The following ZNF385C variants were observed in gnomAD, a reference collection of about 807,000 sequenced individuals.
ZNF385C encodes CTD-2132N18.2.
Under a neutral mutation model 35.4 loss-of-function variants are expected in ZNF385C, and 28 were observed. The observed-to-expected ratio is 0.79, with a 90% CI of 0.59 to 1.08. The LOEUF is 1.08. Ranked by LOEUF, ZNF385C falls within the 50% of genes least tolerant of loss-of-function variation. ZNF385C has a pLI of 0.00. For missense variants in ZNF385C, 605 were observed against 595.6 expected, an observed-to-expected ratio of 1.02 and a Z score of -0.16; for synonymous variants, 248 against 248.2, an observed-to-expected ratio of 1.00 and a Z score of 0.01.
At chr17:42,028,700 AG>A (rs1397737122) in intron 6 of ZNF385C, 82 bp downstream of exon 6, 2 of 1,466,620 alleles carry the variant, frequency 1.4e-6, no homozygotes, top group East Asian at 5.0e-5. Context: ...CGAAGCACCC[AG>A]GAACTCAAGC....
intron 2 of ZNF385C, among the ~76,000 whole-genome samples, chr17:42,057,883 C>T (rs112866913): frequency 0.012 from 1,896 of 151,792 alleles, 39 homozygotes; most frequent in African/African-American, 0.043. Flanking sequence ...GTGGAGGTTG[C>T]AATGAGTTGG....
chr17:42,088,519 A>G (rs1793511433), intron 1 of ZNF385C, among the ~76,000 whole-genome samples: 1 of 152,270 alleles, frequency 6.6e-6, no homozygotes, highest in Admixed American at 6.5e-5. Context: ...GGCTCCAGCC[A>G]CGGGACTCGA....
At chr17:42,084,739 T>A (rs1330497172) in intron 1 of ZNF385C, among the ~76,000 whole-genome samples, 1 of 152,038 alleles carries the variant, frequency 6.6e-6, no homozygotes, top group East Asian at 1.9e-4. Flanking sequence ...ACCTCCCAAG[T>A]AGCTTTGACT....
chr17:42,027,606 G>A lies in ZNF385C; in HGVS notation c.1275+12C>T, dbSNP rs2052619496. 2 of 1,532,364 alleles carry A rather than the reference G, an allele frequency of 1.3e-6. No individual in the cohort carries two copies. Among genetic ancestry groups the A allele is most frequent in the Non-Finnish European group, 1.8e-6 (2 of 1,141,108 alleles). The allele number at this position is 1,532,364 out of a possible 1,614,324, so 94.9% of individuals were successfully genotyped here. Reference sequence around the variant, plus strand: ...TGACCCAGTCCCAGCTCTGTTGCCTGGAGACAGATACCTTGAGGATACTCA... The same window carrying A: ...TGACCCAGTCCCAGCTCTGTTGCCTAGAGACAGATACCTTGAGGATACTCA... On this transcript the variant is annotated intron_variant, in intron 8 of 8. Coordinates refer to ENST00000692273, the MANE Select transcript of ZNF385C (RefSeq NM_001392013.1).
chr17:42,038,182 A>T, intron 2 of ZNF385C: 1 of 975,816 alleles, frequency 1.0e-6, no homozygotes, highest in Admixed American at 2.5e-5. Flanking sequence ...CAAGAGAGGG[A>T]CAGAGGGGTC....
At chr17:42,096,253 T>C (rs1171040223) in intron 1 of ZNF385C, among the ~76,000 whole-genome samples, 1 of 152,206 alleles carries the variant, frequency 6.6e-6, no homozygotes, top group Non-Finnish European at 1.5e-5. Context: ...TAACCTGTCC[T>C]GAGGCAGACA....
chr17:42,027,388 A>G (rs1161539815), intron 8 of ZNF385C, among the ~76,000 whole-genome samples: 3 of 152,002 alleles, frequency 2.0e-5, no homozygotes, highest in Non-Finnish European at 4.4e-5. Flanking sequence ...GGTCTCTAGG[A>G]GATGCACGCC....
chr17:42,042,348 C>T (rs1003428814), intron 2 of ZNF385C, among the ~76,000 whole-genome samples: 1 of 152,066 alleles, frequency 6.6e-6, no homozygotes, highest in African/African-American at 2.4e-5. Context: ...ATGGTGATAC[C>T]CCGTCTCTAC....
chr17:42,037,920 C>T (rs1245719948), intron 2 of ZNF385C, 35 bp from the exon 3 acceptor site: 2 of 1,544,732 alleles, frequency 1.3e-6, no homozygotes, highest in Non-Finnish European at 1.7e-6. Context: ...CTGAAATGGG[C>T]TCTGTCCTAC....
At chr17:42,097,843 T>C (rs56156186) in intron 1 of ZNF385C, among the ~76,000 whole-genome samples, 7,879 of 152,258 alleles carry the variant, frequency 0.052, 206 homozygotes, top group Non-Finnish European at 0.062. Context: ...TCCCAGACTT[T>C]CCGGGTTCCC....
intron 5 of ZNF385C, among the ~76,000 whole-genome samples, chr17:42,030,115 C>A (rs907686416): frequency 6.6e-6 from 1 of 151,858 alleles, no homozygotes; most frequent in Non-Finnish European, 1.5e-5. Flanking sequence ...TGAAAGAGAA[C>A]AAACTACAGC....
chr17:42,071,439 G>A (rs1555658807), intron 1 of ZNF385C, among the ~76,000 whole-genome samples: 1 of 152,016 alleles, frequency 6.6e-6, no homozygotes, highest in East Asian at 1.9e-4. Context: ...ATCCTCCAGA[G>A]GGCCTCAGTC....
intron 2 of ZNF385C, among the ~76,000 whole-genome samples, chr17:42,056,768 C>T (rs758659009): frequency 1.3e-5 from 2 of 152,078 alleles, no homozygotes; most frequent in African/African-American, 4.8e-5. Context: ...TGAGGGGAAA[C>T]CCCTTTCACT....
intron 1 of ZNF385C, among the ~76,000 whole-genome samples, chr17:42,064,384 G>GGTGA (rs2053517613): frequency 6.6e-6 from 1 of 152,162 alleles, no homozygotes; most frequent in Non-Finnish European, 1.5e-5. Flanking sequence ...CTAGGGCCTG[G>GGTGA]GTGAGTCATA....
Position 42,028,902 on chromosome 17 carries a change from G to A in ZNF385C, c.848C>T (p.Ala283Val), listed in dbSNP as rs1555654667. The A allele has an allele frequency of 7.1e-6, 11 of 1,550,432 alleles. No homozygotes were observed. Among genetic ancestry groups the A allele is most frequent in the Middle Eastern group, 1.7e-4 (1 of 6,014 alleles). Residue 283 changes from alanine (A) to valine (V), a missense_variant, in exon 6 of 9, where the codon GCG becomes GTG. Coordinates refer to ENST00000692273, the MANE Select transcript of ZNF385C (RefSeq NM_001392013.1). ...PGREAPGPEP[A>V]AAAVGSSMSG... ...CATGCTGCTTCCCACGGCAGCTGCC[G>A]CTGGCTCAGGCCCCGGTGCCTCTCT... is the stretch of plus-strand genomic sequence containing the variant.
At chr17:42,029,190 G>A in intron 5 of ZNF385C, 117 bp from the exon 6 acceptor site, 1 of 1,238,540 alleles carries the variant, frequency 8.1e-7, no homozygotes, top group Non-Finnish European at 1.1e-6. Flanking sequence ...CTGAATTCCA[G>A]GCCCCACTTT....
intron 2 of ZNF385C, chr17:42,039,833 C>T: frequency 8.1e-7 from 1 of 1,232,072 alleles, no homozygotes; most frequent in African/African-American, 1.5e-5. Context: ...CCCCCCCGGC[C>T]TTCCCCGGCC....
chr17:42,048,178 A>G (rs1284117612), intron 2 of ZNF385C, among the ~76,000 whole-genome samples: 5 of 152,040 alleles, frequency 3.3e-5, no homozygotes, highest in African/African-American at 1.2e-4. Flanking sequence ...CCTGGGCACC[A>G]CACCACTCCA....
intron 1 of ZNF385C, among the ~76,000 whole-genome samples, chr17:42,098,029 T>TGGGGAAGAGGCTGCCC (rs1460182231): frequency 6.6e-6 from 1 of 152,084 alleles, no homozygotes; most frequent in Admixed American, 6.5e-5. Context: ...CCCCCTAGGG[T>TGGGGAAGAGGCTGCCC]GGGGAAGAGG....
Sources: allele counts gnomAD v4.1 joint callset (sites outside exome capture counted in the v4.1 genomes callset), GRCh38; gene constraint gnomAD v4.1.1; transcripts MANE v1.5; gene names NCBI Gene and HGNC (gene_info 2026-07-23, HGNC 2026-07-21).